Variants in HGFAC observed in about 807,000 individuals in gnomAD.
HGFAC encodes the protein HGF activator.
Under a neutral mutation model 70.6 loss-of-function variants are expected in HGFAC, and 76 were observed. The ratio of observed to expected loss-of-function variants is 1.08; its 90% CI spans 0.89 to 1.30. The LOEUF (loss-of-function observed/expected upper bound fraction) is 1.30, where lower values mean the gene tolerates loss of function less well. HGFAC is among the 50% of genes most tolerant of loss of function. The pLI is 0.00. For synonymous variants in HGFAC, 464 were observed against 405.3 expected, an observed-to-expected ratio of 1.14 and a Z score of -1.74; for missense variants, 1,044 against 933.7, an observed-to-expected ratio of 1.12 and a Z score of -1.54.
intron 1 of HGFAC, 83 bp downstream of exon 1, chr4:3,442,201 G>A (rs577454709): frequency 3.9e-5 from 43 of 1,090,968 alleles, no homozygotes; most frequent in Admixed American, 1.0e-4. Context: ...AGGGAGGGTC[G>A]CCACAGAGCG....
chr4:3,446,874 C>T (rs562240797), intron 10 of HGFAC, among the ~76,000 whole-genome samples: 2 of 152,298 alleles, frequency 1.3e-5, no homozygotes, highest in East Asian at 1.9e-4. Context: ...GAGGGTCTGG[C>T]GGCCTTTCGA....
chr4:3,442,836 G>A lies in HGFAC; in HGVS notation c.222G>A (p.Glu74=), dbSNP rs1237186383. The part of the protein sequence containing the change: ...TSETPATSAP[E]AEGPQSGGLP... ...AGACCCCAGCAACAAGTGCTCCAGAGGCAGAGGGACCCCAAAGTGGGGGGC... is the reference window on the plus strand; with the variant it reads ...AGACCCCAGCAACAAGTGCTCCAGAAGCAGAGGGACCCCAAAGTGGGGGGC... Residue 74 remains glutamate (E), a synonymous_variant, in exon 2 of 14, where the codon GAG becomes GAA. Transcript: ENST00000382774. The A allele has an allele frequency of 3.8e-6, 6 of 1,590,104 alleles. 1 individual carries two copies. The highest frequency in any genetic ancestry group is 2.7e-5 in the African/African-American group (2 of 73,578).
chr4:3,442,823 C>T lies in HGFAC; in HGVS notation c.209C>T (p.Thr70Ile), dbSNP rs370599923. 3 of 1,591,838 alleles carry T rather than the reference C, an allele frequency of 1.9e-6. No individual in the cohort carries two copies. The highest frequency in any genetic ancestry group is 2.2e-5 in the East Asian group (1 of 44,576). ...TCTGTGACCTCTGAGACCCCAGCAA[C>T]AAGTGCTCCAGAGGCAGAGGGACCC... ...VTSVTSETPATSAPEAEGPQS... is the reference protein window; with the variant it reads ...VTSVTSETPAISAPEAEGPQS... The change falls in exon 2 of 14, where the codon ACA becomes ATA. Residue 70 changes from threonine to isoleucine, a missense_variant. Coordinates refer to ENST00000382774, the MANE Select transcript of HGFAC (RefSeq NM_001528.4).
rs1013187157 is a variant in HGFAC, at chr4:3,444,490, C to A, written c.730+48C>A. 8 of 1,539,604 alleles carry A rather than the reference C, an allele frequency of 5.2e-6. No individual in the cohort carries two copies. The African/African-American group carries it at 1.1e-4, about 21-fold the overall frequency. ...TGCCACTGACCCCTGACGGGTGTCC[C>A]TGTCCACACCCGAGTGGGAGGAATG... is the stretch of plus-strand genomic sequence containing the variant. On this transcript the variant is annotated intron_variant, in intron 6 of 13. Coordinates refer to ENST00000382774, the MANE Select transcript of HGFAC (RefSeq NM_001528.4).
chr4:3,444,213 CGGAGGATGGGAG>C, intron 5 of HGFAC, 52 bp downstream of exon 5: 1 of 1,565,016 alleles, frequency 6.4e-7, no homozygotes, highest in Non-Finnish European at 8.7e-7. Context: ...AGCAAGTCCC[CGGAGGATGGGAG>C]AACAGGTGGC....
chr4:3,449,151 TCTGTCCC>T lies in HGFAC; in HGVS notation c.1786-84_1786-78del. On this transcript the variant is annotated intron_variant, in intron 13 of 13. Coordinates refer to ENST00000382774, the MANE Select transcript of HGFAC (RefSeq NM_001528.4). ...CCCTTGCTCAGAAATGCCTTTGTCC[TCTGTCCC>T]CAAGCTGCCACTTGGGGGAGAGGGG... 2.4e-6 allele frequency: 3 copies of T among 1,265,100 alleles called. No homozygotes were observed. The Admixed American group carries it at 6.3e-5, about 26-fold the overall frequency. The allele number at this position is 1,265,100 out of a possible 1,614,324, so 78.4% of individuals were successfully genotyped here. A position where few individuals can be genotyped will look rare whatever the true frequency, so the allele number is the denominator to read the frequency against.
Position 3,444,410 on chromosome 4 carries a change from G to T in HGFAC, c.698G>T (p.Gly233Val), listed in dbSNP as rs1024396942. The change falls in exon 6 of 14, where the codon GGC becomes GTC. Residue 233 changes from glycine to valine, a missense_variant. Coordinates refer to ENST00000382774, the MANE Select transcript of HGFAC (RefSeq NM_001528.4). ...GHVEQCECFGGRTWCEGTRHT... is the reference protein window; with the variant it reads ...GHVEQCECFGVRTWCEGTRHT... ...GTGGAACAGTGCGAGTGCTTCGGGGGCCGGACCTGGTGCGAAGGCACCCGA... is the reference window on the plus strand; with the variant it reads ...GTGGAACAGTGCGAGTGCTTCGGGGTCCGGACCTGGTGCGAAGGCACCCGA... The T allele has an allele frequency of 3.7e-6, 6 of 1,602,856 alleles. No homozygotes were observed. The highest frequency in any genetic ancestry group is 2.7e-5 in the African/African-American group (2 of 74,822).
Position 3,449,245 on chromosome 4 carries a change from AG to A in HGFAC, c.1800del (p.Leu602TrpfsTer70), listed in dbSNP as rs770643102. The A allele has an allele frequency of 1.2e-6, 2 of 1,611,270 alleles. No homozygotes were observed. Among genetic ancestry groups the A allele is most frequent in the Middle Eastern group, 1.7e-4 (1 of 6,042 alleles). ...CCAACGTCTCTGCCCAGGGGGACTC[AG>A]GGGGGCCCCTGGCCTGCGAGAAGAA... ...CKSDACQGDS[G>X]GPLACEKNGV... On this transcript the variant is annotated frameshift_variant, in exon 14 of 14. Coordinates refer to ENST00000382774, the MANE Select transcript of HGFAC (RefSeq NM_001528.4). LOFTEE classifies it low-confidence loss of function (END_TRUNC).
intron 9 of HGFAC, 114 bp from the exon 10 acceptor site, chr4:3,445,928 A>G (rs1725491865): frequency 1.3e-6 from 2 of 1,554,648 alleles, no homozygotes; most frequent in Non-Finnish European, 1.7e-6. Context: ...AGCAGCGTGG[A>G]CAGGGGGTCC....
chr4:3,441,446 C>A (rs552813249), upstream of HGFAC, among the ~76,000 whole-genome samples: 2 of 152,264 alleles, frequency 1.3e-5, no homozygotes, highest in African/African-American at 4.8e-5. The surrounding 1 kb of genome is among the most constrained non-coding windows in gnomAD (Gnocchi z 6.0). Context: ...CTGTGCCTGG[C>A]CTTTTGGCCA....
At chr4:3,443,014 C>G in intron 2 of HGFAC, 36 bp from the exon 3 acceptor site, 2 of 1,553,706 alleles carry the variant, frequency 1.3e-6, no homozygotes, top group Non-Finnish European at 1.7e-6. Flanking sequence ...GGGTGCCCCT[C>G]GAGGGAGCCC....
At chr4:3,448,357 G>T (rs1228535276) in intron 13 of HGFAC, 81 bp downstream of exon 13, 3 of 1,500,036 alleles carry the variant, frequency 2.0e-6, no homozygotes, top group Non-Finnish European at 1.8e-6. Flanking sequence ...TGCCCCTGGG[G>T]AGCCCAGAGC....
chr4:3,446,767 C>T (rs1415424401), intron 10 of HGFAC, among the ~76,000 whole-genome samples: 1 of 152,154 alleles, frequency 6.6e-6, no homozygotes, highest in Non-Finnish European at 1.5e-5. Context: ...GGAGGCGGGC[C>T]TCGAGTGGGG....
rs200335063 is a variant in HGFAC at position 3,448,013 on chromosome 4, G to A, written c.1614G>A (p.Ala538=). The change falls in exon 12 of 14, where the codon GCG becomes GCA. Residue 538 remains alanine (A), a synonymous_variant. Transcript: ENST00000382774. The part of the protein sequence containing the change: ...TFPAGHKCQI[A]GWGHLDENVS... ...CCGCAGGACACAAGTGCCAGATTGC[G>A]GGCTGGGGCCACTTGGATGAGAGTG... 17 of 1,564,422 alleles carry A rather than the reference G, an allele frequency of 1.1e-5. No individual in the cohort carries two copies. The highest frequency in any genetic ancestry group is 2.4e-5 in the East Asian group (1 of 41,772).
Position 3,442,805 on chromosome 4 carries a change from C to T in HGFAC, c.191C>T (p.Thr64Ile), listed in dbSNP as rs1156629147. The T allele has an allele frequency of 6.3e-7, 1 of 1,588,702 alleles. No individual in the cohort carries two copies. Among genetic ancestry groups the T allele is most frequent in the East Asian group, 2.2e-5 (1 of 44,512 alleles). ...CCCACTATCCTGGTGACCTCTGTGA[C>T]CTCTGAGACCCCAGCAACAAGTGCT... is the stretch of plus-strand genomic sequence containing the variant. ...AIPTILVTSV[T>I]SETPATSAPE... Residue 64 changes from threonine to isoleucine, a missense_variant, in exon 2 of 14, where the codon ACC becomes ATC. Coordinates refer to ENST00000382774, the MANE Select transcript of HGFAC (RefSeq NM_001528.4).
Position 3,443,088 on chromosome 4 carries a change from C to A in HGFAC, c.337C>A (p.Arg113Ser), listed in dbSNP as rs556671223. Residue 113 changes from arginine to serine, a missense_variant, in exon 3 of 14, where the codon CGC becomes AGC. By Grantham distance (110) the Arg-to-Ser change is moderately radical. Coordinates refer to ENST00000382774, the MANE Select transcript of HGFAC (RefSeq NM_001528.4). Reference protein sequence around the residue: ...EDGRPCRFPFRYGGRMLHACT... With the variant: ...EDGRPCRFPFSYGGRMLHACT... ...CGGGAGGCCCTGCAGGTTCCCCTTC[C>A]GCTACGGGGGCCGCATGCTGCATGC... is the stretch of plus-strand genomic sequence containing the variant. The A allele has an allele frequency of 1.9e-6, 3 of 1,598,766 alleles. No homozygotes were observed. The highest frequency in any genetic ancestry group is 1.3e-5 in the African/African-American group (1 of 74,808).
Sources: gnomAD v4.1 joint callset for allele counts (sites outside exome capture counted in the v4.1 genomes callset) on GRCh38, gnomAD v4.1.1 for gene constraint, Gnocchi (gnomAD v3.1) non-coding constraint, MANE v1.5 for transcripts, NCBI Gene and HGNC (gene_info 2026-07-23, HGNC 2026-07-21) for gene names.